FGF14: variants seen among roughly 807,000 people sequenced by gnomAD.
FGF14 encodes fibroblast growth factor 14, also known as fibroblast growth factor homologous factor 4.
In FGF14, 5 loss-of-function variants were observed where a neutral mutation model predicts 25.5. That is an observed-to-expected ratio of 0.20 (90% CI 0.10 to 0.41). The LOEUF (loss-of-function observed/expected upper bound fraction) is 0.41, where lower values mean the gene tolerates loss of function less well. Among genes scored for constraint, FGF14 ranks in the 10% least tolerant of loss-of-function variants. The probability of loss-of-function intolerance (pLI) is 1.00; values close to 1 mark genes in which losing one functional copy is unlikely to be tolerated. For synonymous variants in FGF14, 138 were observed against 118.3 expected, an observed-to-expected ratio of 1.17 and a Z score of -1.08; for missense variants, 222 against 320.1, an observed-to-expected ratio of 0.69 and a Z score of 2.34.
intron 1 of FGF14, among the ~76,000 whole-genome samples, chr13:102,160,647 T>A (rs538149346): frequency 1.6e-4 from 25 of 152,102 alleles, no homozygotes; most frequent in African/African-American, 6.0e-4. Context: ...GATAAAAACA[T>A]GTTCCACAGA....
At chr13:102,084,359 C>T (rs1191635547) in intron 1 of FGF14, among the ~76,000 whole-genome samples, 2 of 152,130 alleles carry the variant, frequency 1.3e-5, no homozygotes, top group Non-Finnish European at 2.9e-5. Flanking sequence ...TATGCCCCAG[C>T]ACAAAAAACT....
At chr13:101,796,999 G>T (rs1173598375) in intron 3 of FGF14, among the ~76,000 whole-genome samples, 1 of 151,976 alleles carries the variant, frequency 6.6e-6, no homozygotes, top group Non-Finnish European at 1.5e-5. Flanking sequence ...AGGGCTTGGG[G>T]CTGGAATTAC....
chr13:102,208,123 C>A (rs1014681818), intron 1 of FGF14, among the ~76,000 whole-genome samples: 1 of 152,140 alleles, frequency 6.6e-6, no homozygotes, highest in Admixed American at 6.5e-5. Context: ...TCAACTAAGG[C>A]AACACATAGC....
intron 1 of FGF14, among the ~76,000 whole-genome samples, chr13:102,019,143 G>C (rs1447885592): frequency 6.6e-6 from 1 of 152,088 alleles, no homozygotes; most frequent in East Asian, 1.9e-4. Flanking sequence ...TGAGAATATA[G>C]TCAGTTGGTC....
At chr13:101,742,782 A>C (rs1472882218) in intron 3 of FGF14, among the ~76,000 whole-genome samples, 1 of 152,214 alleles carries the variant, frequency 6.6e-6, no homozygotes. Context: ...GATAGTTACA[A>C]AGATAAAAAA....
At chr13:102,155,855 C>T (rs2047308724) in intron 1 of FGF14, among the ~76,000 whole-genome samples, 1 of 152,070 alleles carries the variant, frequency 6.6e-6, no homozygotes, top group Admixed American at 6.6e-5. Flanking sequence ...GAAATACAAA[C>T]TACCATCAGA....
At chr13:102,355,240 G>A (rs751382278) in intron 1 of FGF14, among the ~76,000 whole-genome samples, 1 of 152,124 alleles carries the variant, frequency 6.6e-6, no homozygotes, top group Non-Finnish European at 1.5e-5. Flanking sequence ...GACTTACGTA[G>A]ATCCTGACAA....
chr13:101,868,860 G>C (rs542655718), intron 2 of FGF14, 32 bp from the exon 3 acceptor site: 2 of 1,429,284 alleles, frequency 1.4e-6, no homozygotes, highest in Non-Finnish European at 2.0e-6. Flanking sequence ...ATCATGAATG[G>C]GCAGGAAGAA....
intron 1 of FGF14, among the ~76,000 whole-genome samples, chr13:102,059,510 C>T (rs2140096646): frequency 6.6e-6 from 1 of 152,320 alleles, no homozygotes; most frequent in East Asian, 1.9e-4. Context: ...AATGCAGGAA[C>T]TATGCAAGTC....
intron 3 of FGF14, among the ~76,000 whole-genome samples, chr13:101,831,240 CTATTTATT>C (rs71125026): frequency 0.37 from 54,415 of 147,254 alleles, 10,952 homozygotes; most frequent in Non-Finnish European, 0.47. Context: ...ATGTTAGTTA[CTATTTATT>C]TATTTATTTA....
intron 1 of FGF14, among the ~76,000 whole-genome samples, chr13:101,911,388 AAACTC>A (rs1381545629): frequency 6.6e-6 from 1 of 152,164 alleles, no homozygotes; most frequent in African/African-American, 2.4e-5. Flanking sequence ...TAATATATGT[AAACTC>A]AACTCAATCT....
chr13:101,774,910 A>G (rs1489845722), intron 3 of FGF14, among the ~76,000 whole-genome samples: 1 of 150,208 alleles, frequency 6.7e-6, no homozygotes, highest in Non-Finnish European at 1.5e-5. Flanking sequence ...AAAATTAGCC[A>G]GTGAGCCGAG....
intron 3 of FGF14, among the ~76,000 whole-genome samples, chr13:101,804,754 A>G (rs981489777): frequency 6.6e-6 from 1 of 152,182 alleles, no homozygotes; most frequent in Non-Finnish European, 1.5e-5. Context: ...CAAAAATGCA[A>G]CTACCATGTA....
rs1282795828 is a variant in FGF14, at chr13:101,711,562, A to C, written c.*11269T>G. 1 of 152,290 alleles carries C rather than the reference A, an allele frequency of 6.6e-6. No homozygotes were observed. The highest frequency in any genetic ancestry group is 1.5e-5 in the Non-Finnish European group (1 of 68,070). 9.4% of individuals were successfully genotyped at this position (152,290 alleles called of 1,614,324 possible). ...TTTTGCCTGGAGATACATCACAGAT[A>C]GGCAGATCACTAAAAAGAAGAGTGG... On this transcript the variant is annotated 3_prime_UTR_variant, in exon 5 of 5. Coordinates refer to ENST00000376143, the MANE Select transcript of FGF14 (RefSeq NM_004115.4).
intron 3 of FGF14, among the ~76,000 whole-genome samples, chr13:101,728,653 CT>C (rs200559496): frequency 7.8e-6 from 1 of 128,692 alleles, no homozygotes; most frequent in African/African-American, 2.7e-5. Flanking sequence ...TTTCACTTGT[CT>C]TTTTACTGAG....
chr13:101,724,132 A>G (rs2139668497), intron 4 of FGF14, among the ~76,000 whole-genome samples: 1 of 152,038 alleles, frequency 6.6e-6, no homozygotes, highest in Non-Finnish European at 1.5e-5. Flanking sequence ...CCAATCCCTC[A>G]CTCCTATTAC....
chr13:102,105,600 C>T (rs1380257591), intron 1 of FGF14, among the ~76,000 whole-genome samples: 3 of 152,064 alleles, frequency 2.0e-5, no homozygotes, highest in African/African-American at 2.4e-5. Context: ...TTTCTAAAAG[C>T]GTGAAATATT....
intron 1 of FGF14, among the ~76,000 whole-genome samples, chr13:102,387,135 A>G (rs2058323902): frequency 6.6e-6 from 1 of 152,234 alleles, no homozygotes; most frequent in African/African-American, 2.4e-5. Context: ...ATAAGGCATT[A>G]TTAGTTACAT....
At chr13:102,305,465 G>A (rs2055324687) in intron 1 of FGF14, among the ~76,000 whole-genome samples, 1 of 152,116 alleles carries the variant, frequency 6.6e-6, no homozygotes, top group Admixed American at 6.6e-5. Flanking sequence ...GAAGCTTAAA[G>A]ACAATGTCAG....
Sources: gnomAD v4.1 joint callset for allele counts (sites outside exome capture counted in the v4.1 genomes callset) on GRCh38, gnomAD v4.1.1 for gene constraint, MANE v1.5 for transcripts, NCBI Gene and HGNC (gene_info 2026-07-23, HGNC 2026-07-21) for gene names.